The following LONP1 variants were observed in gnomAD, a reference collection of about 807,000 sequenced individuals.
LONP1 encodes the protein lon peptidase 1, mitochondrial.
A neutral mutation model predicts 98.5 loss-of-function variants in LONP1; 31 were observed. That is an observed-to-expected ratio of 0.31 (90% CI 0.24 to 0.42). LONP1 has a LOEUF of 0.42. Among genes scored for constraint, LONP1 ranks in the 20% least tolerant of loss-of-function variants. LONP1 has a pLI of 1.00. For synonymous variants in LONP1, 781 were observed against 594.7 expected, an observed-to-expected ratio of 1.31 and a Z score of -4.56; for missense variants, 1,336 against 1,350.6, an observed-to-expected ratio of 0.99 and a Z score of 0.17.
chr19:5,700,696 G>C, intron 9 of LONP1, 93 bp downstream of exon 9: 9 of 1,530,738 alleles, frequency 5.9e-6, no homozygotes, highest in South Asian at 2.5e-5. Flanking sequence ...AATTCACCAG[G>C]GGGCTCCTTT....
chr19:5,698,968 CG>C, intron 10 of LONP1, 58 bp downstream of exon 10: 1 of 1,503,976 alleles, frequency 6.6e-7, no homozygotes, highest in East Asian at 2.5e-5. Flanking sequence ...CCGGAGAAGA[CG>C]AAGCCCGGCA....
At position 5,713,085 on chromosome 19, in the gene LONP1, C is replaced by T. The variant is rs750111132; in HGVS notation, c.638+49G>A. 6 of 1,612,166 alleles carry T rather than the reference C, an allele frequency of 3.7e-6. No homozygotes were observed. In the Admixed American group the frequency reaches 5.0e-5, roughly 13 times the overall value. The stretch of plus-strand genomic sequence containing the variant: ...GCATAAGGCATCCTGGCTGGTCTCC[C>T]GCGTGGTACTCTGCCCCCACCTCCC... On this transcript the variant is annotated intron_variant, in intron 3 of 17. Transcript: ENST00000360614.
At chr19:5,717,585 G>C (rs1321540457) in intron 1 of LONP1, 1 of 152,246 alleles carries the variant, frequency 6.6e-6, no homozygotes, top group African/African-American at 2.4e-5. Flanking sequence ...GAGGGGACCA[G>C]GCCTGATGAA....
At chr19:5,699,360 G>A (rs906437849) in intron 9 of LONP1, among the ~76,000 whole-genome samples, 155 bp from the exon 10 acceptor site, 2 of 152,176 alleles carry the variant, frequency 1.3e-5, no homozygotes, top group Admixed American at 6.6e-5. Context: ...AGCTGCCACT[G>A]GCCACGGGGA....
upstream of LONP1, chr19:5,720,203 G>C (rs1325737514): frequency 4.3e-6 from 6 of 1,384,742 alleles, no homozygotes; most frequent in Admixed American, 3.5e-5. Context: ...GTGACGCCCG[G>C]CGCGTGCCTC....
At chr19:5,711,111 G>A (rs900326225) in intron 4 of LONP1, among the ~76,000 whole-genome samples, 11 of 152,122 alleles carry the variant, frequency 7.2e-5, no homozygotes, top group African/African-American at 2.7e-4. Context: ...TGGGCCTGTG[G>A]ACAGGACTTT....
rs143172257 is a variant in LONP1 at position 5,711,873 on chromosome 19, C to T, written c.768G>A (p.Ala256=). Residue 256 remains alanine (A), a synonymous_variant, in exon 4 of 18, where the codon GCG becomes GCA. Coordinates refer to ENST00000360614, the MANE Select transcript of LONP1 (RefSeq NM_004793.4). ...CAGGGGTGGGCTCCATCGCCAGCTC[C>T]GCCGGGTGCCTGGCGCTCAGCTCGT... ...AEDELSARHP[A]ELAMEPTPEL... is the part of the protein sequence containing the mutation. 22 of 1,612,824 alleles carry T rather than the reference C, an allele frequency of 1.4e-5. No homozygotes were observed. The highest frequency in any genetic ancestry group is 1.7e-5 in the Admixed American group (1 of 60,008).
At chr19:5,693,254 TGTGGGCCCTGCCAGTGCTGTGGG>T in intron 17 of LONP1, 21 bp downstream of exon 17, 1 of 1,572,860 alleles carries the variant, frequency 6.4e-7, no homozygotes, top group Non-Finnish European at 8.7e-7. Context: ...CCCGTGGTGG[TGTGGGCCCTGCCAGTGCTGTGGG>T]GTGGGTACAG....
At position 5,694,761 on chromosome 19, in the gene LONP1, C is replaced by T. The variant is rs2054895616; in HGVS notation, c.2154G>A (p.Lys718=). 2 of 1,588,246 alleles carry T rather than the reference C, an allele frequency of 1.3e-6. No homozygotes were observed. The highest frequency in any genetic ancestry group is 8.6e-7 in the Non-Finnish European group (1 of 1,159,762). The change falls in exon 14 of 18, where the codon AAG becomes AAA. Residue 718 remains lysine, a splice_region_variant and synonymous_variant. Transcript: ENST00000360614. Reference sequence around the variant, plus strand: ...CCAGGAGGGCGGGCTGGCCGCTCACCTTCTCCACTTGCTTCTGCAGGTTGC... The same window carrying T: ...CCAGGAGGGCGGGCTGGCCGCTCACTTTCTCCACTTGCTTCTGCAGGTTGC... ...GVRNLQKQVE[K]VLRKSAYKIV...
chr19:5,707,977 G>T (rs1207417193), intron 5 of LONP1, 151 bp from the exon 6 acceptor site: 3 of 861,274 alleles, frequency 3.5e-6, no homozygotes, highest in East Asian at 5.3e-5. Context: ...TCTGCTGCTT[G>T]TTCTCCAGAG....
Position 5,714,229 on chromosome 19 carries a change from G to C in LONP1, c.472C>G (p.Arg158Gly). Residue 158 changes from arginine (R) to glycine (G), a missense_variant, in exon 2 of 18, where the codon CGT becomes GGT. Arg to Gly is a moderately radical substitution (Grantham distance 125). Transcript: ENST00000360614. ...KLVELLRRKV[R>G]LAQPYVGVFL... ...ACGCCGACATAAGGCTGGGCGAGAC[G>C]AACTTTCCTTCTCAGCAGCTCAACC... 1 of 1,614,018 alleles carries C rather than the reference G, an allele frequency of 6.2e-7. No homozygotes were observed. Among genetic ancestry groups the C allele is most frequent in the East Asian group, 2.2e-5 (1 of 44,886 alleles).
intron 15 of LONP1, 143 bp downstream of exon 15, chr19:5,694,244 C>T: frequency 9.3e-7 from 1 of 1,078,896 alleles, no homozygotes. Context: ...GCCCAGACCC[C>T]CTGGGCTCCC....
intron 4 of LONP1, among the ~76,000 whole-genome samples, chr19:5,711,551 C>T (rs924085646): frequency 6.6e-6 from 1 of 152,206 alleles, no homozygotes; most frequent in African/African-American, 2.4e-5. Flanking sequence ...CAGCTACAGG[C>T]TCCAGCGAAT....
chr19:5,701,677 G>A (rs902389843), intron 8 of LONP1, among the ~76,000 whole-genome samples: 22 of 152,256 alleles, frequency 1.4e-4, no homozygotes, highest in East Asian at 3.9e-4. Flanking sequence ...ATCTCGGCTC[G>A]CTACAACCTC....
chr19:5,696,880 T>G (rs980147754), intron 10 of LONP1, 123 bp from the exon 11 acceptor site: 10 of 652,120 alleles, frequency 1.5e-5, no homozygotes, highest in Admixed American at 1.4e-4. Flanking sequence ...GGCCATGATG[T>G]GGGAGGCGGA....
intron 3 of LONP1, 133 bp from the exon 4 acceptor site, chr19:5,712,135 A>G (rs922450012): frequency 2.9e-6 from 2 of 689,298 alleles, no homozygotes; most frequent in African/African-American, 1.8e-5. Context: ...GGGTGGCTAC[A>G]GGGTCCTCAA....
intron 1 of LONP1, among the ~76,000 whole-genome samples, chr19:5,718,702 T>C (rs561589913): frequency 6.6e-6 from 1 of 152,018 alleles, no homozygotes; most frequent in African/African-American, 2.4e-5. Flanking sequence ...ATCAGTAGTT[T>C]TTTTTTTTAA....
chr19:5,717,891 C>CT (rs532198283), intron 1 of LONP1, among the ~76,000 whole-genome samples: 36,287 of 133,206 alleles, frequency 0.27, 5,275 homozygotes, highest in Middle Eastern at 0.39. Flanking sequence ...TTCTTTCTTT[C>CT]TTTTTTTTTT....
chr19:5,711,452 G>A (rs776686163), intron 4 of LONP1, among the ~76,000 whole-genome samples: 7 of 152,218 alleles, frequency 4.6e-5, no homozygotes, highest in Non-Finnish European at 8.8e-5. Context: ...AGCCAGGGCT[G>A]GAAGGTGTCT....
Sources: allele counts gnomAD v4.1 joint callset (sites outside exome capture counted in the v4.1 genomes callset), GRCh38; gene constraint gnomAD v4.1.1; transcripts MANE v1.5; gene names NCBI Gene and HGNC (gene_info 2026-07-23, HGNC 2026-07-21).